CALD1: variants seen among roughly 807,000 people sequenced by gnomAD.
The protein encoded by CALD1 is caldesmon 1, also known as caldesmon.
A neutral mutation model predicts 99.9 loss-of-function variants in CALD1; 33 were observed. The observed-to-expected ratio is 0.33, with a 90% CI of 0.25 to 0.44. The LOEUF is 0.44. Among genes scored for constraint, CALD1 ranks in the 20% least tolerant of loss-of-function variants. The pLI is 1.00. For missense variants in CALD1, 861 were observed against 962.1 expected (o/e 0.89, Z 1.39); for synonymous variants, 310 against 325.0 (o/e 0.95, Z 0.50).
At chr7:134,786,860 A>G (rs1014899766) in intron 1 of CALD1, among the ~76,000 whole-genome samples, 14 of 152,208 alleles carry the variant, frequency 9.2e-5, no homozygotes, top group Admixed American at 9.2e-4. Context: ...CTATATACCC[A>G]TGCATCTTAA....
rs1805667792 is a variant in CALD1, at chr7:134,933,184, A to G, written c.415A>G (p.Asn139Asp). 1 of 1,613,174 alleles carries G rather than the reference A, an allele frequency of 6.2e-7. No individual in the cohort carries two copies. Among genetic ancestry groups the G allele is most frequent in the Admixed American group, 1.7e-5 (1 of 59,802 alleles). The part of the protein sequence containing the change: ...SLSLPSRRMQ[N>D]DTAENETTEK... Reference sequence around the variant, plus strand: ...GTCGCTCCCAAGCAGAAGAATGCAAAATGACACAGCAGAAAATGAAACTAC... The same window carrying G: ...GTCGCTCCCAAGCAGAAGAATGCAAGATGACACAGCAGAAAATGAAACTAC... The change falls in exon 5 of 15, where the codon AAT becomes GAT. Residue 139 changes from asparagine (N) to aspartate (D), a missense_variant. Physicochemically the swap from Asn to Asp is conservative, Grantham distance 23 (BLOSUM62 1). This residue lies in a region of CALD1 where 234 missense variants were observed against 233.1 expected (regional missense o/e 1.00). Coordinates refer to ENST00000361675, the MANE Select transcript of CALD1 (RefSeq NM_033138.4).
At chr7:134,869,749 G>A (rs1292335193) in intron 3 of CALD1, among the ~76,000 whole-genome samples, 1 of 152,194 alleles carries the variant, frequency 6.6e-6, no homozygotes, top group African/African-American at 2.4e-5. Flanking sequence ...CAAAAAGGGA[G>A]AGAAATTATT....
the CALD1 span, among the ~76,000 whole-genome samples, chr7:134,737,747 TG>T: frequency 2.6e-5 from 4 of 152,180 alleles, no homozygotes; most frequent in Admixed American, 6.5e-5. Context: ...TCATTTCGTG[TG>T]GGCTTGCTTG....
intron 7 of CALD1, among the ~76,000 whole-genome samples, chr7:134,944,075 G>C (rs1806665703): frequency 6.6e-6 from 1 of 152,110 alleles, no homozygotes; most frequent in Admixed American, 6.6e-5. Flanking sequence ...CACAAAGAGA[G>C]AGCAAACTCA....
At chr7:134,965,017 G>A (rs1348240832) in intron 13 of CALD1, among the ~76,000 whole-genome samples, 2 of 152,150 alleles carry the variant, frequency 1.3e-5, no homozygotes, top group South Asian at 2.1e-4. Flanking sequence ...TCGAGAGGCT[G>A]AGACAGGAGA....
At chr7:134,732,223 C>T in the CALD1 span, among the ~76,000 whole-genome samples, 1 of 152,228 alleles carries the variant, frequency 6.6e-6, no homozygotes, top group Non-Finnish European at 1.5e-5. Context: ...TGCTGTACAT[C>T]AGTCTTTCTG....
chr7:134,791,135 A>C (rs1340559588), intron 1 of CALD1, among the ~76,000 whole-genome samples: 1 of 150,400 alleles, frequency 6.6e-6, no homozygotes, highest in Non-Finnish European at 1.5e-5. Context: ...CTTCTTGTCC[A>C]AAGCTAAGAA....
chr7:134,716,344 A>C, the CALD1 span, among the ~76,000 whole-genome samples: 4 of 152,228 alleles, frequency 2.6e-5, no homozygotes, highest in African/African-American at 9.6e-5. Flanking sequence ...AGATGCAAGA[A>C]TTATCACCCA....
the CALD1 span, among the ~76,000 whole-genome samples, chr7:134,716,993 T>C: frequency 6.6e-6 from 1 of 152,222 alleles, no homozygotes; most frequent in Non-Finnish European, 1.5e-5. Flanking sequence ...TATATATACT[T>C]ATCTTAGACT....
At chr7:134,841,990 AT>A (rs1799670280) in intron 1 of CALD1, among the ~76,000 whole-genome samples, 1 of 152,160 alleles carries the variant, frequency 6.6e-6, no homozygotes, top group African/African-American at 2.4e-5. Context: ...CAGAGAGACT[AT>A]CCCTCACCAT....
At chr7:134,781,487 A>G (rs1469633990) in intron 1 of CALD1, among the ~76,000 whole-genome samples, 1 of 152,092 alleles carries the variant, frequency 6.6e-6, no homozygotes, top group African/African-American at 2.4e-5. Context: ...TTATAGGTAG[A>G]GATAGAGTGA....
At chr7:134,851,403 C>A (rs1448448575) in intron 2 of CALD1, among the ~76,000 whole-genome samples, 1 of 152,150 alleles carries the variant, frequency 6.6e-6, no homozygotes, top group African/African-American at 2.4e-5. Context: ...GTTAACCTAC[C>A]TATCCCTGTT....
At chr7:134,768,905 A>C (rs951428673) in intron 1 of CALD1, among the ~76,000 whole-genome samples, 1 of 152,052 alleles carries the variant, frequency 6.6e-6, no homozygotes, top group Non-Finnish European at 1.5e-5. Context: ...CCATTCTCAT[A>C]TGCATTCTTA....
chr7:134,866,529 T>G (rs1800807466), intron 2 of CALD1, among the ~76,000 whole-genome samples: 1 of 152,160 alleles, frequency 6.6e-6, no homozygotes, highest in Non-Finnish European at 1.5e-5. Context: ...GGAAAAAACC[T>G]TTGAAAATAA....
chr7:134,814,394 T>C (rs1380869063), intron 1 of CALD1, among the ~76,000 whole-genome samples: 1 of 152,142 alleles, frequency 6.6e-6, no homozygotes, highest in Non-Finnish European at 1.5e-5. Context: ...GAGTAGGGGT[T>C]CCACAAGGAG....
At chr7:134,762,861 TA>T (rs1796791226) in intron 1 of CALD1, among the ~76,000 whole-genome samples, 1 of 152,156 alleles carries the variant, frequency 6.6e-6, no homozygotes. Context: ...CCAAATTATA[TA>T]GGGTTCTGAA....
intron 1 of CALD1, among the ~76,000 whole-genome samples, chr7:134,745,725 T>G (rs1796629967): frequency 6.6e-6 from 1 of 152,286 alleles, no homozygotes; most frequent in Non-Finnish European, 1.5e-5. Context: ...ACTGTCGTTT[T>G]GCTATACTTT....
the CALD1 span, among the ~76,000 whole-genome samples, chr7:134,712,534 T>G: frequency 6.6e-6 from 1 of 152,236 alleles, no homozygotes; most frequent in South Asian, 2.1e-4. Context: ...GTTGTGTCTC[T>G]GGGAAAATGT....
chr7:134,777,624 A>G (rs1205935945), upstream of CALD1, among the ~76,000 whole-genome samples: 3 of 152,204 alleles, frequency 2.0e-5, no homozygotes. Flanking sequence ...GGTTTAGGAT[A>G]TAAGCAGCAG....
Sources: gnomAD v4.1 joint callset for allele counts (sites outside exome capture counted in the v4.1 genomes callset) on GRCh38, gnomAD v4.1.1 for gene constraint, gnomAD v4.1.1 regional missense constraint, MANE v1.5 for transcripts, NCBI Gene and HGNC (gene_info 2026-07-23, HGNC 2026-07-21) for gene names.